NRP2: variants seen among roughly 807,000 people sequenced by gnomAD.
NRP2 encodes the protein neuropilin 2, also known as neuropilin-2.
NRP2 carries 52 observed loss-of-function variants against 110.4 expected under a neutral mutation model. That is an observed-to-expected ratio of 0.47 (90% CI 0.38 to 0.59). The LOEUF is 0.59. NRP2 is among the 20% of genes least tolerant of loss of function. NRP2 has a pLI of 0.00. For synonymous variants in NRP2, 508 were observed against 468.9 expected (o/e 1.08, Z -1.08); for missense variants, 1,049 against 1,203.0 (o/e 0.87, Z 1.89).
At chr2:205,733,284 C>T (rs538516374) in intron 7 of NRP2, among the ~76,000 whole-genome samples, 3 of 152,160 alleles carry the variant, frequency 2.0e-5, no homozygotes, top group East Asian at 3.9e-4. Context: ...GTAGCTGAGG[C>T]GCGCCTCCCT....
intron 7 of NRP2, among the ~76,000 whole-genome samples, chr2:205,733,476 T>C (rs1389304867): frequency 1.3e-5 from 2 of 152,120 alleles, no homozygotes; most frequent in African/African-American, 4.8e-5. Context: ...ACCTGGTAGA[T>C]TGTCCTGCTC....
intron 15 of NRP2, among the ~76,000 whole-genome samples, chr2:205,786,771 CT>C (rs1055868240): frequency 1.2e-4 from 18 of 152,238 alleles, no homozygotes; most frequent in African/African-American, 4.3e-4. Flanking sequence ...AATTTACCCA[CT>C]TTGTCAGTTC....
intron 1 of NRP2, among the ~76,000 whole-genome samples, chr2:205,696,563 G>A (rs150706925): frequency 5.3e-5 from 8 of 152,310 alleles, no homozygotes; most frequent in African/African-American, 1.9e-4. Flanking sequence ...CTTTACTCCC[G>A]AATAGATGAG....
chr2:205,731,993 G>C (rs1352415340), intron 7 of NRP2, among the ~76,000 whole-genome samples: 1 of 152,228 alleles, frequency 6.6e-6, no homozygotes, highest in Non-Finnish European at 1.5e-5. Context: ...ACTGGAGCCT[G>C]CATGGACGGC....
intron 15 of NRP2, among the ~76,000 whole-genome samples, chr2:205,770,061 G>A (rs566694851): frequency 6.6e-6 from 1 of 152,296 alleles, no homozygotes; most frequent in East Asian, 1.9e-4. Context: ...CAGAGCACGG[G>A]CAGAGAGACG....
chr2:205,691,898 C>T (rs1168601551), intron 1 of NRP2, among the ~76,000 whole-genome samples: 2 of 152,118 alleles, frequency 1.3e-5, no homozygotes, highest in African/African-American at 4.8e-5. Flanking sequence ...GAGAGGTAAT[C>T]GCATCAAACT....
intron 15 of NRP2, among the ~76,000 whole-genome samples, chr2:205,788,592 G>T (rs111742349): frequency 9.5e-4 from 144 of 152,298 alleles, no homozygotes; most frequent in African/African-American, 3.2e-3. Flanking sequence ...ACAGATAAAG[G>T]GAACAGAAAT....
Position 205,752,643 on chromosome 2 carries a change from T to C in NRP2, c.1904-192T>C, listed in dbSNP as rs2057667129. On this transcript the variant is annotated intron_variant, in intron 11 of 16. Transcript: ENST00000357785. Reference sequence around the variant, plus strand: ...CACTGGCAGACTTGGCTTTCATGCCTGGGAAGGATGAGACCAAAGCCTGAC... The same window carrying C: ...CACTGGCAGACTTGGCTTTCATGCCCGGGAAGGATGAGACCAAAGCCTGAC... The C allele has an allele frequency of 2.3e-5, 14 of 615,880 alleles. 1 individual carries two copies. In the South Asian group the frequency reaches 2.7e-4, roughly 12 times the overall value. 38.2% of individuals were successfully genotyped at this position (615,880 alleles called of 1,614,324 possible).
At chr2:205,703,009 G>A (rs1293711188) in intron 2 of NRP2, among the ~76,000 whole-genome samples, 1 of 152,176 alleles carries the variant, frequency 6.6e-6, no homozygotes, top group Non-Finnish European at 1.5e-5. Context: ...TGAGTTCTCA[G>A]CAAGTAAATT....
chr2:205,766,669 A>G, intron 14 of NRP2, 114 bp from the exon 15 acceptor site: 2 of 982,928 alleles, frequency 2.0e-6, no homozygotes, highest in Admixed American at 3.5e-5. Context: ...GGAGTGGTAC[A>G]AAAAAACCGA....
At chr2:205,760,389 C>T (rs1434711222) in intron 12 of NRP2, among the ~76,000 whole-genome samples, 1 of 152,188 alleles carries the variant, frequency 6.6e-6, no homozygotes, top group African/African-American at 2.4e-5. Context: ...GAGCTCATAG[C>T]ACTTAACAGA....
At position 205,752,853 on chromosome 2, in the gene NRP2, C is replaced by A; in HGVS notation, c.1922C>A (p.Pro641His). The A allele has an allele frequency of 6.2e-7, 1 of 1,614,212 alleles. No homozygotes were observed. The highest frequency in any genetic ancestry group is 1.1e-5 in the South Asian group (1 of 91,078). The change falls in exon 12 of 17, where the codon CCT becomes CAT. Residue 641 changes from proline to histidine, a missense_variant. Coordinates refer to ENST00000357785, the MANE Select transcript of NRP2 (RefSeq NM_003872.3). ...CTTTTAGACAAAGATTTGCAGCTCCCTTCGGGATTCAATTGCAACTTCGAT... is the reference window on the plus strand; with the variant it reads ...CTTTTAGACAAAGATTTGCAGCTCCATTCGGGATTCAATTGCAACTTCGAT... ...SFEDDKDLQL[P>H]SGFNCNFDFL...
Position 205,682,847 on chromosome 2 carries a change from G to C in NRP2, c.-444G>C. The C allele has an allele frequency of 5.8e-6, 1 of 172,868 alleles. No individual in the cohort carries two copies. Among genetic ancestry groups the C allele is most frequent in the Admixed American group, 5.7e-5 (1 of 17,694 alleles). The allele number at this position is 172,868 out of a possible 1,614,324, so 10.7% of individuals were successfully genotyped here. ...GTGTCCGTCAAGGGTGCCGCGGGAT[G>C]TGTGTCAGTTTACGCCTCTGAGATC... On this transcript the variant is annotated 5_prime_UTR_variant, in exon 1 of 17. An upstream start codon of the reference 5' UTR is lost. Coordinates refer to ENST00000357785, the MANE Select transcript of NRP2 (RefSeq NM_003872.3). This position sits in a 1 kb window ranked among gnomAD's most constrained non-coding sequence, Gnocchi z 4.3.
chr2:205,715,991 C>T (rs912937988), intron 2 of NRP2, among the ~76,000 whole-genome samples: 2 of 152,220 alleles, frequency 1.3e-5, no homozygotes, highest in Non-Finnish European at 2.9e-5. Flanking sequence ...TGTGTTTATT[C>T]ACTCTGTGGC....
At chr2:205,723,394 A>G (rs1336964111) in intron 4 of NRP2, among the ~76,000 whole-genome samples, 2 of 152,204 alleles carry the variant, frequency 1.3e-5, no homozygotes, top group Non-Finnish European at 1.5e-5. Flanking sequence ...GGTAAATCAC[A>G]AGACTTAGTC....
At position 205,752,904 on chromosome 2, in the gene NRP2, T is replaced by C. The variant is rs758222408; in HGVS notation, c.1973T>C (p.Met658Thr). The change falls in exon 12 of 17, where the codon ATG becomes ACG. Residue 658 changes from methionine (M) to threonine (T), a missense_variant. By Grantham distance (81) the Met-to-Thr change is moderately conservative. Coordinates refer to ENST00000357785, the MANE Select transcript of NRP2 (RefSeq NM_003872.3). Reference protein sequence around the residue: ...FDFLEEPCGWMYDHAKWLRTT... With the variant: ...FDFLEEPCGWTYDHAKWLRTT... ...TTCCTCGAGGAGCCCTGTGGTTGGA[T>C]GTATGACCATGCCAAGTGGCTCCGG... 3.1e-6 allele frequency: 5 copies of C among 1,614,098 alleles called. No homozygotes were observed. The highest frequency in any genetic ancestry group is 4.2e-6 in the Non-Finnish European group (5 of 1,180,050).
Position 205,722,557 on chromosome 2 carries a change from C to A in NRP2, c.513C>A (p.His171Gln). 1.2e-6 allele frequency: 2 copies of A among 1,614,224 alleles called. No individual in the cohort carries two copies. The highest frequency in any genetic ancestry group is 1.7e-6 in the Non-Finnish European group (2 of 1,180,042). ...ESPGFPEKYP[H>Q]NLDCTFTILA... ...CTGGGTTTCCTGAGAAGTATCCACA[C>A]AACTTGGACTGCACCTTTACCATCC... The change falls in exon 4 of 17, where the codon CAC becomes CAA. Residue 171 changes from histidine to glutamine, a missense_variant. His to Gln is a conservative substitution (Grantham distance 24). Coordinates refer to ENST00000357785, the MANE Select transcript of NRP2 (RefSeq NM_003872.3).
intron 3 of NRP2, among the ~76,000 whole-genome samples, chr2:205,720,221 A>G (rs2056982223): frequency 6.6e-6 from 1 of 151,094 alleles, no homozygotes; most frequent in African/African-American, 2.4e-5. Context: ...GCCAAAGGAT[A>G]TACCCATTTA....
chr2:205,776,993 C>T (rs779300971), intron 15 of NRP2: 139 of 1,045,520 alleles, frequency 1.3e-4, no homozygotes, highest in South Asian at 3.5e-4. Flanking sequence ...TGTGAGAGAG[C>T]GGCTGGTTCA....
Sources: allele counts gnomAD v4.1 joint callset (sites outside exome capture counted in the v4.1 genomes callset), GRCh38; gene constraint gnomAD v4.1.1; non-coding constraint Gnocchi (gnomAD v3.1); transcripts MANE v1.5; gene names NCBI Gene and HGNC (gene_info 2026-07-23, HGNC 2026-07-21).